Variants in DNM3 observed in about 807,000 individuals in gnomAD.
The protein encoded by DNM3 is dynamin-3.
A neutral mutation model predicts 101.6 loss-of-function variants in DNM3; 47 were observed. The ratio of observed to expected loss-of-function variants is 0.46; its 90% CI spans 0.37 to 0.59. The LOEUF (loss-of-function observed/expected upper bound fraction) is 0.59, where lower values mean the gene tolerates loss of function less well. DNM3 is among the 20% of genes least tolerant of loss of function. The probability of loss-of-function intolerance (pLI) is 0.00; values close to 1 mark genes in which losing one functional copy is unlikely to be tolerated. For synonymous variants in DNM3, 385 were observed against 387.9 expected, an observed-to-expected ratio of 0.99 and a Z score of 0.09; for missense variants, 849 against 1,085.7, an observed-to-expected ratio of 0.78 and a Z score of 3.06.
chr1:172,113,026 G>A (rs918188621), intron 13 of DNM3, among the ~76,000 whole-genome samples: 51 of 152,160 alleles, frequency 3.4e-4, no homozygotes, highest in African/African-American at 1.2e-3. Context: ...GCAGTTTAAA[G>A]TAGTCCTCAG....
At chr1:172,235,575 A>C (rs898293448) in intron 14 of DNM3, among the ~76,000 whole-genome samples, 1 of 152,226 alleles carries the variant, frequency 6.6e-6, no homozygotes, top group African/African-American at 2.4e-5. Context: ...TATTCACAAT[A>C]GCAAAGACTT....
At chr1:172,025,554 T>A (rs1165603197) in intron 4 of DNM3, among the ~76,000 whole-genome samples, 1 of 152,034 alleles carries the variant, frequency 6.6e-6, no homozygotes, top group Non-Finnish European at 1.5e-5. Context: ...ACGGGAGAGC[T>A]CCGGCTGGCA....
chr1:171,849,475 T>C (rs1486020704), intron 1 of DNM3, among the ~76,000 whole-genome samples: 1 of 152,238 alleles, frequency 6.6e-6, no homozygotes, highest in Non-Finnish European at 1.5e-5. Flanking sequence ...ATTTTTTGAG[T>C]GTTTTAAAAA....
intron 11 of DNM3, among the ~76,000 whole-genome samples, chr1:172,076,495 T>C (rs551610565): frequency 2.6e-5 from 4 of 152,342 alleles, no homozygotes; most frequent in Admixed American, 6.5e-5. Flanking sequence ...ATTCCATCAA[T>C]ACCTAGTTTA....
chr1:172,135,449 T>C lies in DNM3; in HGVS notation c.1659+4161T>C, dbSNP rs181857795. On this transcript the variant is annotated intron_variant, in intron 14 of 20. Coordinates refer to ENST00000627582, the MANE Select transcript of DNM3 (RefSeq NM_015569.5). ...ACTAAAGGTAGATTGTCTTAAATTG[T>C]CTTAAATTTTGTTAATTTTCATCAT... Among the ~76,000 whole-genome samples the C allele has an allele frequency of 2.0e-3, 304 of 152,304 alleles. 2 individuals carry two copies. The highest frequency in any genetic ancestry group is 0.017 in the Middle Eastern group (5 of 294).
chr1:172,296,424 C>A (rs1189842433), intron 15 of DNM3, among the ~76,000 whole-genome samples: 1 of 152,170 alleles, frequency 6.6e-6, no homozygotes, highest in Non-Finnish European at 1.5e-5. Context: ...CAGGTTTGAA[C>A]CTGGGAGCAA....
intron 15 of DNM3, among the ~76,000 whole-genome samples, chr1:172,297,662 G>A (rs185282154): frequency 3.4e-4 from 52 of 152,122 alleles, no homozygotes; most frequent in South Asian, 4.1e-4. Context: ...GATATGAAGC[G>A]TTTATATCTT....
At chr1:172,085,996 T>G (rs1026116119) in intron 12 of DNM3, among the ~76,000 whole-genome samples, 7 of 152,182 alleles carry the variant, frequency 4.6e-5, no homozygotes, top group African/African-American at 1.7e-4. Flanking sequence ...TTACTGAGAT[T>G]GTTGTCAAGT....
At chr1:172,008,851 TA>T (rs1362384272) in intron 4 of DNM3, among the ~76,000 whole-genome samples, 1 of 139,128 alleles carries the variant, frequency 7.2e-6, no homozygotes, top group Non-Finnish European at 1.5e-5. Context: ...TAATATATTA[TA>T]TTATATTACT....
At chr1:171,930,649 G>A (rs1401556040) in intron 2 of DNM3, among the ~76,000 whole-genome samples, 1 of 152,140 alleles carries the variant, frequency 6.6e-6, no homozygotes, top group Non-Finnish European at 1.5e-5. Flanking sequence ...CCCTGGGTGG[G>A]GGATGTTCCT....
At chr1:172,337,866 T>TTTTTTTTTTATTTTA (rs2066503109) in intron 17 of DNM3, among the ~76,000 whole-genome samples, 1 of 113,130 alleles carries the variant, frequency 8.8e-6, no homozygotes, top group Non-Finnish European at 1.9e-5. Flanking sequence ...TTTTATTTTA[T>TTTTTTTTTTATTTTA]TTTTATTTTA....
intron 15 of DNM3, among the ~76,000 whole-genome samples, chr1:172,260,410 T>G (rs1167225071): frequency 6.6e-6 from 1 of 152,140 alleles, no homozygotes; most frequent in Non-Finnish European, 1.5e-5. Flanking sequence ...TTAAATAGGT[T>G]TTCTAATTCT....
At chr1:172,351,697 A>G (rs191808506) in intron 17 of DNM3, among the ~76,000 whole-genome samples, 92 of 152,328 alleles carry the variant, frequency 6.0e-4, no homozygotes, top group African/African-American at 2.1e-3. Context: ...TATTTTATAC[A>G]TGGGTGAAAG....
intron 12 of DNM3, among the ~76,000 whole-genome samples, chr1:172,083,419 GACAA>G (rs1558541626): frequency 6.6e-6 from 1 of 152,152 alleles, no homozygotes; most frequent in African/African-American, 2.4e-5. Flanking sequence ...GAATTTAAAA[GACAA>G]ACAAATCCTT....
chr1:172,172,366 A>T (rs1459027768), intron 14 of DNM3, among the ~76,000 whole-genome samples: 1 of 151,716 alleles, frequency 6.6e-6, no homozygotes, highest in African/African-American at 2.4e-5. Flanking sequence ...TTTCCATCTG[A>T]TAACCGAGAC....
chr1:172,353,943 G>A (rs2067308224), intron 17 of DNM3, among the ~76,000 whole-genome samples: 1 of 152,004 alleles, frequency 6.6e-6, no homozygotes, highest in African/African-American at 2.4e-5. Context: ...GCCAAAAAGA[G>A]TGCTTAGGAT....
intron 7 of DNM3, among the ~76,000 whole-genome samples, chr1:172,041,331 G>A (rs190804084): frequency 6.6e-6 from 1 of 152,294 alleles, no homozygotes; most frequent in East Asian, 1.9e-4. Flanking sequence ...CCTGCCTGGG[G>A]TGGGTGGTAT....
intron 15 of DNM3, among the ~76,000 whole-genome samples, chr1:172,301,292 A>G (rs2064437169): frequency 6.6e-6 from 1 of 152,196 alleles, no homozygotes; most frequent in Non-Finnish European, 1.5e-5. Context: ...GCTTGAGCCC[A>G]GGAGTTCATG....
intron 15 of DNM3, among the ~76,000 whole-genome samples, chr1:172,258,492 C>T (rs1384564591): frequency 6.6e-6 from 1 of 151,892 alleles, no homozygotes; most frequent in Non-Finnish European, 1.5e-5. Flanking sequence ...ATTCAATCTT[C>T]GTAGGTTGTA....
Sources: gnomAD v4.1 joint callset for allele counts (sites outside exome capture counted in the v4.1 genomes callset) on GRCh38, gnomAD v4.1.1 for gene constraint, MANE v1.5 for transcripts, NCBI Gene and HGNC (gene_info 2026-07-23, HGNC 2026-07-21) for gene names.